Variants in PITPNB observed in about 807,000 individuals in gnomAD.
PITPNB encodes phosphatidylinositol transfer protein beta isoform.
In PITPNB, 16 loss-of-function variants were observed where a neutral mutation model predicts 45.9. The ratio of observed to expected loss-of-function variants is 0.35; its 90% CI spans 0.24 to 0.53. The LOEUF is 0.53. Among genes scored for constraint, PITPNB ranks in the 20% least tolerant of loss-of-function variants. The pLI is 0.93. For missense variants in PITPNB, 188 were observed against 330.5 expected (o/e 0.57, Z 3.34); for synonymous variants, 112 against 108.9 (o/e 1.03, Z -0.18).
intron 8 of PITPNB, among the ~76,000 whole-genome samples, chr22:27,864,485 T>TA (rs1433894514): frequency 6.6e-6 from 1 of 152,174 alleles, no homozygotes; most frequent in Non-Finnish European, 1.5e-5. Flanking sequence ...TTTAGAAACA[T>TA]ATCCTATTAA....
intron 8 of PITPNB, among the ~76,000 whole-genome samples, chr22:27,867,488 A>G (rs1934518930): frequency 6.6e-6 from 1 of 152,230 alleles, no homozygotes; most frequent in Admixed American, 6.5e-5. Context: ...GCGAAATAAG[A>G]TCCAGACAGG....
chr22:27,914,247 G>T, intron 2 of PITPNB, 70 bp downstream of exon 2: 2 of 902,046 alleles, frequency 2.2e-6, no homozygotes, highest in Non-Finnish European at 3.7e-6. Flanking sequence ...ACGAAAATGT[G>T]AGTTTAGAGT....
At chr22:27,886,985 G>A (rs1192349900) in intron 7 of PITPNB, among the ~76,000 whole-genome samples, 1 of 152,200 alleles carries the variant, frequency 6.6e-6, no homozygotes, top group Admixed American at 6.5e-5. Flanking sequence ...AGGAGTCAAG[G>A]TGCCACAAGT....
intron 3 of PITPNB, among the ~76,000 whole-genome samples, chr22:27,901,046 A>G (rs1243998196): frequency 6.6e-6 from 1 of 152,054 alleles, no homozygotes; most frequent in Non-Finnish European, 1.5e-5. Flanking sequence ...CTCCCAAACT[A>G]TTCACAAAAT....
At chr22:27,897,171 A>T in intron 4 of PITPNB, 34 bp from the exon 5 acceptor site, 1 of 1,507,570 alleles carries the variant, frequency 6.6e-7, no homozygotes, top group Non-Finnish European at 9.2e-7. Context: ...TAATGAAAGG[A>T]GAAAAATTTC....
chr22:27,894,354 A>G (rs987813742), intron 7 of PITPNB: 8 of 397,466 alleles, frequency 2.0e-5, no homozygotes, highest in Non-Finnish European at 3.2e-5. Flanking sequence ...CTACACAGAA[A>G]ACAAATCGCC....
intron 7 of PITPNB, among the ~76,000 whole-genome samples, chr22:27,879,335 C>T (rs1437416479): frequency 1.3e-5 from 2 of 152,168 alleles, no homozygotes; most frequent in African/African-American, 4.8e-5. Flanking sequence ...TCCTACAACA[C>T]AGCAAGGAAA....
intron 7 of PITPNB, 22 bp from the exon 8 acceptor site, chr22:27,873,837 G>A (rs1934740429): frequency 1.3e-6 from 2 of 1,530,092 alleles, no homozygotes; most frequent in Middle Eastern, 1.7e-4. Flanking sequence ...AACAAAGTCA[G>A]AGGCAGAGAA....
At chr22:27,874,971 C>T (rs143968416) in intron 7 of PITPNB, among the ~76,000 whole-genome samples, 3 of 152,262 alleles carry the variant, frequency 2.0e-5, no homozygotes, top group Non-Finnish European at 4.4e-5. Flanking sequence ...CAGTATAATA[C>T]GAACTTTCCA....
chr22:27,854,935 C>G lies in PITPNB; in HGVS notation c.773G>C (p.Arg258Pro), dbSNP rs1168903893. The G allele has an allele frequency of 1.2e-6, 2 of 1,611,692 alleles. No homozygotes were observed. Among genetic ancestry groups the G allele is most frequent in the Non-Finnish European group, 1.7e-6 (2 of 1,177,976 alleles). The change falls in exon 11 of 12, where the codon CGT becomes CCT. Residue 258 changes from arginine (R) to proline (P), a missense_variant. Arg to Pro is a moderately radical substitution (Grantham distance 103, BLOSUM62 -2). Transcript: ENST00000335272. ...CGTGCCTCGAACGGAACCCCTCTTA[C>G]GCATCTAAACGTAAAATAAAATTGT... The part of the protein sequence containing the change: ...DETQKELETM[R>P]KRGSVRGTSA...
At chr22:27,859,465 C>T (rs1934257616) in intron 9 of PITPNB, among the ~76,000 whole-genome samples, 1 of 152,148 alleles carries the variant, frequency 6.6e-6, no homozygotes, top group East Asian at 1.9e-4. Flanking sequence ...ATTCGCCCTA[C>T]AGGAAAAGTA....
chr22:27,875,883 AG>A (rs968030297), intron 7 of PITPNB, among the ~76,000 whole-genome samples: 9 of 152,340 alleles, frequency 5.9e-5, no homozygotes, highest in African/African-American at 1.7e-4. Flanking sequence ...CTCAAACCCC[AG>A]GAAGTACCTG....
intron 7 of PITPNB, among the ~76,000 whole-genome samples, chr22:27,877,614 C>T (rs565448685): frequency 2.6e-5 from 4 of 152,282 alleles, no homozygotes; most frequent in East Asian, 1.9e-4. Context: ...GGATTCATTT[C>T]GAATACAAAG....
At chr22:27,893,138 A>G (rs1935329181) in intron 7 of PITPNB, among the ~76,000 whole-genome samples, 1 of 152,216 alleles carries the variant, frequency 6.6e-6, no homozygotes, top group Admixed American at 6.5e-5. Flanking sequence ...CTTATTCCAA[A>G]GCTTTAGCTC....
At chr22:27,867,637 T>C (rs915438363) in intron 8 of PITPNB, among the ~76,000 whole-genome samples, 8 of 152,108 alleles carry the variant, frequency 5.3e-5, no homozygotes, top group African/African-American at 1.4e-4. Flanking sequence ...ACTCCAGGAG[T>C]GACACTATTT....
chr22:27,895,106 C>A (rs1298198013), intron 6 of PITPNB, among the ~76,000 whole-genome samples: 4 of 152,166 alleles, frequency 2.6e-5, no homozygotes, highest in Non-Finnish European at 5.9e-5. Flanking sequence ...CAGTATGATG[C>A]CAACTCCTCT....
chr22:27,864,714 G>T (rs1934432795), intron 8 of PITPNB, among the ~76,000 whole-genome samples: 1 of 152,100 alleles, frequency 6.6e-6, no homozygotes, highest in South Asian at 2.1e-4. Context: ...GAGGCAGGTG[G>T]ATCACCTGAT....
At chr22:27,899,759 T>C (rs16985697) in intron 3 of PITPNB, among the ~76,000 whole-genome samples, 5,550 of 152,292 alleles carry the variant, frequency 0.036, 154 homozygotes, top group African/African-American at 0.069. Flanking sequence ...GCTAAAGAAC[T>C]AGAACCAAAA....
At chr22:27,864,064 C>G (rs1021033934) in intron 8 of PITPNB, among the ~76,000 whole-genome samples, 1 of 152,068 alleles carries the variant, frequency 6.6e-6, no homozygotes, top group Non-Finnish European at 1.5e-5. Context: ...GAGAAGAACA[C>G]GTACCCAACT....
Sources: gnomAD v4.1 joint callset for allele counts (sites outside exome capture counted in the v4.1 genomes callset) on GRCh38, gnomAD v4.1.1 for gene constraint, MANE v1.5 for transcripts, NCBI Gene and HGNC (gene_info 2026-07-23, HGNC 2026-07-21) for gene names.